The following PDE2A variants were observed in gnomAD, a reference collection of about 807,000 sequenced individuals.
The protein encoded by PDE2A is phosphodiesterase 2A, also known as cGMP-dependent 3',5'-cyclic phosphodiesterase.
A neutral mutation model predicts 133.6 loss-of-function variants in PDE2A; 53 were observed. That is an observed-to-expected ratio of 0.40 (90% CI 0.32 to 0.50). PDE2A has a LOEUF of 0.50. Among genes scored for constraint, PDE2A ranks in the 20% least tolerant of loss-of-function variants. PDE2A has a pLI of 0.73. For missense variants in PDE2A, 796 were observed against 1,232.4 expected, an observed-to-expected ratio of 0.65 and a Z score of 5.30; for synonymous variants, 491 against 490.2, an observed-to-expected ratio of 1.00 and a Z score of -0.02.
Position 72,597,771 on chromosome 11 carries a change from A to T in PDE2A, c.324-152T>A. ...GGTTGGACACGATGACAGCACAAGTAAAAAAGTAGGGGACCCTGGACCCTA... is the reference window on the plus strand; with the variant it reads ...GGTTGGACACGATGACAGCACAAGTTAAAAAGTAGGGGACCCTGGACCCTA... On this transcript the variant is annotated intron_variant, in intron 4 of 30. Coordinates refer to ENST00000334456, the MANE Select transcript of PDE2A (RefSeq NM_002599.5). The surrounding 1 kb of genome is among the most constrained non-coding windows in gnomAD (Gnocchi z 4.6). The T allele has an allele frequency of 1.7e-6, 1 of 596,584 alleles. No individual in the cohort carries two copies. The highest frequency in any genetic ancestry group is 2.9e-5 in the Admixed American group (1 of 34,220). The allele number at this position is 596,584 out of a possible 1,614,324, so 37.0% of individuals were successfully genotyped here.
chr11:72,655,511 G>A (rs925199096), intron 1 of PDE2A, among the ~76,000 whole-genome samples: 37 of 150,668 alleles, frequency 2.5e-4, no homozygotes, highest in Admixed American at 1.4e-3. Flanking sequence ...GTGCACGCAC[G>A]TGTGTGTGTG....
intron 18 of PDE2A, 117 bp downstream of exon 18, chr11:72,584,434 C>G: frequency 7.5e-7 from 1 of 1,327,398 alleles, no homozygotes; most frequent in Non-Finnish European, 1.1e-6. Context: ...GCATGGAACC[C>G]GACTCCCTTA....
intron 22 of PDE2A, 52 bp downstream of exon 22, chr11:72,581,825 C>T: frequency 6.6e-7 from 1 of 1,514,208 alleles, no homozygotes; most frequent in Non-Finnish European, 9.2e-7. Flanking sequence ...ACGGATGTGA[C>T]AGTAGAGGAA....
intron 25 of PDE2A, chr11:72,579,940 G>A (rs1290586535): frequency 6.8e-6 from 2 of 293,060 alleles, no homozygotes; most frequent in Non-Finnish European, 6.4e-6. Flanking sequence ...GAACACATTT[G>A]TTTGCTGACA....
In PDE2A at chr11:72,578,531, C is replaced by T; in HGVS notation, c.2470-17G>A. Reference sequence around the variant, plus strand: ...GATCAGCTCCTGAAAGGCCAACACTCTCATCACATCCTCTATGTAGGATAC... The same window carrying T: ...GATCAGCTCCTGAAAGGCCAACACTTTCATCACATCCTCTATGTAGGATAC... On this transcript the variant is annotated splice_polypyrimidine_tract_variant and intron_variant, in intron 28 of 30. Coordinates refer to ENST00000334456, the MANE Select transcript of PDE2A (RefSeq NM_002599.5). The surrounding 1 kb of genome is among the most constrained non-coding windows in gnomAD (Gnocchi z 4.2). The T allele has an allele frequency of 6.2e-7, 1 of 1,606,412 alleles. No homozygotes were observed. The highest frequency in any genetic ancestry group is 2.2e-5 in the East Asian group (1 of 44,850).
Position 72,642,120 on chromosome 11 carries a change from G to A in PDE2A, c.144+134C>T, listed in dbSNP as rs1321067995. ...TCAAGGGCTCTTGGTCTGCGCTGCC[G>A]TCCCAGCACAGGAGTAGAATTCAGA... On this transcript the variant is annotated intron_variant, in intron 2 of 30. Transcript: ENST00000334456. 5.6e-6 allele frequency: 7 copies of A among 1,242,666 alleles called. No individual in the cohort carries two copies. The African/African-American group carries it at 9.5e-5, about 17-fold the overall frequency. 77.0% of individuals were successfully genotyped at this position (1,242,666 alleles called of 1,614,324 possible). A position where few individuals can be genotyped will look rare whatever the true frequency, so the allele number is the denominator to read the frequency against.
intron 25 of PDE2A, among the ~76,000 whole-genome samples, chr11:72,580,265 C>G (rs1344204338): frequency 4.6e-5 from 7 of 152,184 alleles, no homozygotes; most frequent in Admixed American, 6.5e-5. Flanking sequence ...TAGGCAGACC[C>G]AAACCAAACA....
chr11:72,643,243 CGGCTGCCCGGAGG>C (rs1049045657), intron 1 of PDE2A: 8 of 152,214 alleles, frequency 5.3e-5, no homozygotes, highest in African/African-American at 1.9e-4. Flanking sequence ...CCTCAGTTGC[CGGCTGCCCGGAGG>C]GGCCGCGTCC....
chr11:72,627,431 C>T (rs1402274120), intron 2 of PDE2A, among the ~76,000 whole-genome samples: 1 of 152,172 alleles, frequency 6.6e-6, no homozygotes, highest in Non-Finnish European at 1.5e-5. Context: ...AAGGAGGTGA[C>T]ATTTCATCTG....
chr11:72,587,084 C>T (rs1856009482), intron 13 of PDE2A, among the ~76,000 whole-genome samples: 1 of 152,230 alleles, frequency 6.6e-6, no homozygotes, highest in Non-Finnish European at 1.5e-5. Flanking sequence ...TTCACACCTT[C>T]ATGCTTTTTT....
rs1565145682 is a variant in PDE2A at position 72,578,840 on chromosome 11, C to A, written c.2469+57G>T. On this transcript the variant is annotated intron_variant, in intron 28 of 30. Coordinates refer to ENST00000334456, the MANE Select transcript of PDE2A (RefSeq NM_002599.5). This position sits in a 1 kb window ranked among gnomAD's most constrained non-coding sequence, Gnocchi z 4.2. ...AGAGAGGGTATTCAGGCACAGGGGG[C>A]ACCCAAAGCTGGGCAGGGTGGGCAG... 9.5e-7 allele frequency: 1 copy of A among 1,052,966 alleles called. No homozygotes were observed. The highest frequency in any genetic ancestry group is 1.8e-5 in the Admixed American group (1 of 55,966). 65.2% of individuals were successfully genotyped at this position (1,052,966 alleles called of 1,614,324 possible).
chr11:72,581,314 G>A, intron 23 of PDE2A, 43 bp downstream of exon 23: 1 of 1,607,924 alleles, frequency 6.2e-7, no homozygotes, highest in Non-Finnish European at 8.5e-7. Flanking sequence ...CCAGGGAGGG[G>A]ACCCCAGTGG....
chr11:72,577,457 T>A lies in PDE2A; in HGVS notation c.2753A>T (p.Glu918Val). The A allele has an allele frequency of 1.2e-6, 2 of 1,614,040 alleles. No individual in the cohort carries two copies. The highest frequency in any genetic ancestry group is 1.7e-6 in the Non-Finnish European group (2 of 1,180,010). Residue 918 changes from glutamate (E) to valine (V), a missense_variant, in exon 31 of 31, where the codon GAG (glutamate) becomes GTG (valine). Glu to Val is a moderately radical substitution (Grantham distance 121, BLOSUM62 -2). Coordinates refer to ENST00000334456, the MANE Select transcript of PDE2A (RefSeq NM_002599.5). ...ATCCAGATCAGGCACCTCGTACTCC[T>A]CATCCAGGAAGTCCAGCGAGTTGTT... ...PSNNSLDFLD[E>V]EYEVPDLDGT...
intron 2 of PDE2A, among the ~76,000 whole-genome samples, chr11:72,629,112 G>A (rs908727190): frequency 3.3e-5 from 5 of 152,334 alleles, no homozygotes; most frequent in African/African-American, 4.8e-5. Context: ...CCAGATCCTC[G>A]GTCAGAGGGA....
At chr11:72,599,768 G>A (rs529074023) in intron 4 of PDE2A, among the ~76,000 whole-genome samples, 1 of 152,330 alleles carries the variant, frequency 6.6e-6, no homozygotes, top group South Asian at 2.1e-4. Flanking sequence ...TCAGTGCTGA[G>A]GGCTGAGATG....
chr11:72,581,142 C>A (rs550193888), intron 23 of PDE2A, among the ~76,000 whole-genome samples, 169 bp from the exon 24 acceptor site: 6 of 152,288 alleles, frequency 3.9e-5, no homozygotes, highest in African/African-American at 1.4e-4. Context: ...CCCAGCAGAC[C>A]CGGGTTTAAA....
chr11:72,600,933 G>A (rs1186535367), intron 4 of PDE2A, among the ~76,000 whole-genome samples: 1 of 151,770 alleles, frequency 6.6e-6, no homozygotes, highest in Non-Finnish European at 1.5e-5. Flanking sequence ...AAAGAATCGA[G>A]GGAAAGGTTC....
At position 72,615,016 on chromosome 11, in the gene PDE2A, C is replaced by G. The variant is rs759427277; in HGVS notation, c.145-6265G>C. On this transcript the variant is annotated intron_variant, in intron 2 of 30. Coordinates refer to ENST00000334456, the MANE Select transcript of PDE2A (RefSeq NM_002599.5). ...CTTACCCCCTCCCGCTCCATGCCCC[C>G]ATCCCTCCACCCTCCTGCCCACCCT... is the stretch of plus-strand genomic sequence containing the variant. The G allele has an allele frequency of 2.3e-5, 10 of 442,052 alleles. No homozygotes were observed. In the East Asian group the frequency reaches 6.8e-4, roughly 30 times the overall value. The allele number at this position is 442,052 out of a possible 1,614,324, so 27.4% of individuals were successfully genotyped here.
intron 19 of PDE2A, 158 bp from the exon 20 acceptor site, chr11:72,583,673 C>A (rs1591017230): frequency 1.8e-5 from 10 of 551,604 alleles, no homozygotes; most frequent in African/African-American, 5.6e-5. Flanking sequence ...AAAGACCCCA[C>A]CCCCACTTTC....
Sources: allele counts gnomAD v4.1 joint callset (sites outside exome capture counted in the v4.1 genomes callset), GRCh38; gene constraint gnomAD v4.1.1; non-coding constraint Gnocchi (gnomAD v3.1); transcripts MANE v1.5; gene names NCBI Gene and HGNC (gene_info 2026-07-23, HGNC 2026-07-21).